Variants in SREK1IP1 observed in about 807,000 individuals in gnomAD.
SREK1IP1 encodes protein SREK1IP1.
SREK1IP1 carries 12 observed loss-of-function variants against 22.8 expected under a neutral mutation model. The observed-to-expected ratio is 0.53, with a 90% confidence interval of 0.34 to 0.85. The LOEUF is 0.85. Among genes scored for constraint, SREK1IP1 ranks in the 40% least tolerant of loss-of-function variants. SREK1IP1 has a pLI of 0.02. For synonymous variants in SREK1IP1, 53 were observed against 52.7 expected (o/e 1.01, Z -0.02); for missense variants, 147 against 171.8 (o/e 0.86, Z 0.81).
rs144948902 is a variant in SREK1IP1, at chr5:64,765,182, A to G, written c.13+3323T>C. 173 of 152,338 alleles carry G rather than the reference A, an allele frequency of 1.1e-3. 1 individual carries two copies. The highest frequency in any genetic ancestry group is 4.0e-3 in the African/African-American group (167 of 41,568). The allele number at this position is 152,338 out of a possible 1,614,324, so 9.4% of individuals were successfully genotyped here. On this transcript the variant is annotated intron_variant, in intron 1 of 4. Transcript: ENST00000513458. ...AAATTTCACTGAAACCTGTGATCAA[A>G]TATTATTTCTATAATAACAACTAAG...
intron 2 of SREK1IP1, among the ~76,000 whole-genome samples, chr5:64,752,947 T>A (rs1327158127): frequency 6.6e-6 from 1 of 152,140 alleles, no homozygotes; most frequent in Non-Finnish European, 1.5e-5. Context: ...AACAACTAAA[T>A]CACTAAAATC....
chr5:64,753,105 CA>C (rs1742777742), intron 2 of SREK1IP1, among the ~76,000 whole-genome samples: 1 of 152,152 alleles, frequency 6.6e-6, no homozygotes, highest in African/African-American at 2.4e-5. Context: ...ACTACATCAA[CA>C]AATATTTTAT....
intron 1 of SREK1IP1, 21 bp downstream of exon 1, chr5:64,768,484 G>A (rs762667098): frequency 6.2e-7 from 1 of 1,614,120 alleles, no homozygotes; most frequent in South Asian, 1.1e-5. Context: ...CGGACGCAGA[G>A]GCCCTGTAAT....
chr5:64,767,966 A>G (rs1303256568), intron 1 of SREK1IP1, among the ~76,000 whole-genome samples: 1 of 152,190 alleles, frequency 6.6e-6, no homozygotes. Flanking sequence ...AATCTTATAT[A>G]TAATTCAACA....
At chr5:64,730,453 TTGAAATGA>T (rs1412193102) in intron 3 of SREK1IP1, among the ~76,000 whole-genome samples, 1 of 151,976 alleles carries the variant, frequency 6.6e-6, no homozygotes, top group Non-Finnish European at 1.5e-5. Context: ...TTGATGCTGA[TTGAAATGA>T]TGACGCAGAG....
intron 3 of SREK1IP1, among the ~76,000 whole-genome samples, chr5:64,739,050 T>C (rs942389245): frequency 6.6e-6 from 1 of 152,136 alleles, no homozygotes; most frequent in African/African-American, 2.4e-5. Context: ...GCCTGGATTA[T>C]ATTTTCCTTG....
chr5:64,725,861 CTTTTT>C (rs547845420), intron 4 of SREK1IP1, among the ~76,000 whole-genome samples: 1 of 112,062 alleles, frequency 8.9e-6, no homozygotes. Context: ...TTGTTTGTTT[CTTTTT>C]TTTTTTTTTT....
chr5:64,747,912 G>A (rs1018874803), intron 2 of SREK1IP1, among the ~76,000 whole-genome samples: 2 of 151,376 alleles, frequency 1.3e-5, no homozygotes, highest in African/African-American at 4.9e-5. Context: ...CAGCCTGGGT[G>A]ACAGAGCGAG....
At chr5:64,726,181 T>C (rs1742261551) in intron 4 of SREK1IP1, among the ~76,000 whole-genome samples, 1 of 152,072 alleles carries the variant, frequency 6.6e-6, no homozygotes, top group Non-Finnish European at 1.5e-5. Flanking sequence ...TGAAGTCTCC[T>C]TTTTAAGGCA....
intron 4 of SREK1IP1, 23 bp downstream of exon 4, chr5:64,728,084 T>C: frequency 1.5e-6 from 2 of 1,351,964 alleles, no homozygotes; most frequent in Non-Finnish European, 1.9e-6. Context: ...GCTTTGTTTT[T>C]TAAAATGTTG....
rs1742171746 is a variant in SREK1IP1 at position 64,722,041 on chromosome 5, G to T, written c.*2343C>A. ...CCTTCTGGTACATACTGCCTGGGAG[G>T]GAATTTCATTAATTTTCTTCTAAAA... On this transcript the variant is annotated 3_prime_UTR_variant, in exon 5 of 5. Transcript: ENST00000513458. 6.6e-6 allele frequency: 1 copy of T among 151,858 alleles called. No individual in the cohort carries two copies. The highest frequency in any genetic ancestry group is 1.5e-5 in the Non-Finnish European group (1 of 67,954). 9.4% of individuals were successfully genotyped at this position (151,858 alleles called of 1,614,324 possible).
chr5:64,740,168 ACTCT>A (rs1742529381), intron 3 of SREK1IP1, among the ~76,000 whole-genome samples: 1 of 151,924 alleles, frequency 6.6e-6, no homozygotes, highest in East Asian at 1.9e-4. Flanking sequence ...TCCGCTATCC[ACTCT>A]CTCTCTAGGG....
intron 3 of SREK1IP1, among the ~76,000 whole-genome samples, chr5:64,732,909 A>AT (rs1404875920): frequency 6.6e-6 from 1 of 151,096 alleles, no homozygotes; most frequent in Non-Finnish European, 1.5e-5. Flanking sequence ...GAACCAACTG[A>AT]TTTTTTGGGG....
intron 1 of SREK1IP1, among the ~76,000 whole-genome samples, chr5:64,758,382 T>A (rs1742887039): frequency 2.0e-5 from 3 of 152,218 alleles, no homozygotes; most frequent in Admixed American, 2.0e-4. Flanking sequence ...TTGGTTCCTA[T>A]CTTTTTTTAA....
intron 2 of SREK1IP1, among the ~76,000 whole-genome samples, chr5:64,741,869 T>C (rs952995296): frequency 6.6e-6 from 1 of 152,148 alleles, no homozygotes; most frequent in Non-Finnish European, 1.5e-5. Flanking sequence ...TGTTAACATT[T>C]TGTCATGCTC....
Position 64,721,525 on chromosome 5 carries a change from T to C in SREK1IP1, c.*2859A>G, listed in dbSNP as rs1742160898. ...GATGTAAATGGAGATGTATATTAAG[T>C]ATGAAGAAATAGGGATACCTCTGAG... On this transcript the variant is annotated 3_prime_UTR_variant, in exon 5 of 5. Transcript: ENST00000513458. 6.6e-6 allele frequency: 1 copy of C among 151,244 alleles called. No homozygotes were observed. The highest frequency in any genetic ancestry group is 2.4e-5 in the African/African-American group (1 of 41,038). 9.4% of individuals were successfully genotyped at this position (151,244 alleles called of 1,614,324 possible). A position where few individuals can be genotyped will look rare whatever the true frequency, so the allele number is the denominator to read the frequency against.
intron 3 of SREK1IP1, among the ~76,000 whole-genome samples, chr5:64,738,892 ATAT>A (rs1227437368): frequency 6.6e-6 from 1 of 152,192 alleles, no homozygotes; most frequent in African/African-American, 2.4e-5. Flanking sequence ...TTGGTTGAAA[ATAT>A]TATTCTGACT....
intron 1 of SREK1IP1, among the ~76,000 whole-genome samples, chr5:64,761,894 G>GT (rs757002223): frequency 1.3e-5 from 2 of 152,102 alleles, no homozygotes; most frequent in African/African-American, 2.4e-5. Context: ...AAATTTTAAA[G>GT]TTAACAGTAG....
chr5:64,766,406 T>G (rs1743033484), intron 1 of SREK1IP1, among the ~76,000 whole-genome samples: 1 of 152,098 alleles, frequency 6.6e-6, no homozygotes, highest in South Asian at 2.1e-4. Flanking sequence ...AATCACCAAC[T>G]CCTAGTGACT....
Sources: gnomAD v4.1 joint callset for allele counts (sites outside exome capture counted in the v4.1 genomes callset) on GRCh38, gnomAD v4.1.1 for gene constraint, MANE v1.5 for transcripts, NCBI Gene and HGNC (gene_info 2026-07-23, HGNC 2026-07-21) for gene names.